AGBL4: variants seen among roughly 807,000 people sequenced by gnomAD.
AGBL4 encodes the protein AGBL carboxypeptidase 4, also known as cytosolic carboxypeptidase 6.
In AGBL4, 58 loss-of-function variants were observed where a neutral mutation model predicts 66.4. The observed-to-expected ratio is 0.87, with a 90% CI of 0.71 to 1.09. The LOEUF (loss-of-function observed/expected upper bound fraction) is 1.09, where lower values mean the gene tolerates loss of function less well. Among genes scored for constraint, AGBL4 ranks in the 50% least tolerant of loss-of-function variants. AGBL4 has a pLI of 0.00. For missense variants in AGBL4, 579 were observed against 631.0 expected (o/e 0.92, Z 0.88); for synonymous variants, 234 against 222.9 (o/e 1.05, Z -0.44).
At chr1:49,645,996 C>T (rs1276959514) in intron 3 of AGBL4, among the ~76,000 whole-genome samples, 11 of 151,516 alleles carry the variant, frequency 7.3e-5, no homozygotes, top group East Asian at 3.9e-4. Context: ...TACAACTCTC[C>T]GTAAACTACT....
At chr1:49,582,867 A>G (rs530753208) in intron 3 of AGBL4, among the ~76,000 whole-genome samples, 4 of 152,132 alleles carry the variant, frequency 2.6e-5, no homozygotes, top group Non-Finnish European at 4.4e-5. Flanking sequence ...TTTCAGTAAC[A>G]TTTTCCAAAA....
intron 4 of AGBL4, among the ~76,000 whole-genome samples, chr1:49,100,117 A>T (rs558459081): frequency 1.3e-5 from 2 of 152,158 alleles, no homozygotes; most frequent in South Asian, 4.1e-4. Context: ...TTTAAGGAAC[A>T]CTCCTGGGTT....
chr1:49,006,188 G>A (rs550942676), intron 5 of AGBL4, among the ~76,000 whole-genome samples: 22 of 152,324 alleles, frequency 1.4e-4, no homozygotes, highest in African/African-American at 4.6e-4. Flanking sequence ...GCGAGCCAAA[G>A]CAGGGTGAGG....
chr1:49,090,726 G>C (rs556655379), intron 4 of AGBL4, among the ~76,000 whole-genome samples: 2 of 152,050 alleles, frequency 1.3e-5, no homozygotes, highest in South Asian at 4.2e-4. Flanking sequence ...TGCAGAATTA[G>C]AAAAAAACTA....
At chr1:49,226,285 A>T (rs1011423036) in intron 4 of AGBL4, among the ~76,000 whole-genome samples, 1 of 152,180 alleles carries the variant, frequency 6.6e-6, no homozygotes, top group Non-Finnish European at 1.5e-5. Context: ...AACTTGAATA[A>T]ATGTTTATGA....
At chr1:49,757,862 T>G (rs1287218357) in intron 2 of AGBL4, among the ~76,000 whole-genome samples, 2 of 152,166 alleles carry the variant, frequency 1.3e-5, no homozygotes, top group African/African-American at 2.4e-5. Context: ...GGGGAAAAAT[T>G]CAAGCAGTCT....
At chr1:49,638,097 A>G (rs973642640) in intron 3 of AGBL4, among the ~76,000 whole-genome samples, 1 of 152,312 alleles carries the variant, frequency 6.6e-6, no homozygotes, top group East Asian at 1.9e-4. Context: ...ATTGAACCAA[A>G]AATCACTTTA....
chr1:49,360,730 G>A (rs749848788), intron 3 of AGBL4, among the ~76,000 whole-genome samples: 1 of 152,050 alleles, frequency 6.6e-6, no homozygotes, highest in Non-Finnish European at 1.5e-5. Context: ...TATGAACATA[G>A]GTATTATTTT....
chr1:48,796,475 TA>T, intron 6 of AGBL4, among the ~76,000 whole-genome samples: 1 of 77,776 alleles, frequency 1.3e-5, no homozygotes, highest in Middle Eastern at 7.5e-3. Flanking sequence ...CTCCCAGTCA[TA>T]AAACAGGCCA....
At chr1:48,529,108 G>A (rs182551621), downstream of AGBL4, among the ~76,000 whole-genome samples, 27 of 152,064 alleles carry the variant, frequency 1.8e-4, 1 homozygote, top group South Asian at 1.5e-3. Flanking sequence ...ACTCTGCTAC[G>A]TAATCTGTGT....
chr1:49,247,349 C>T (rs1651724045), intron 3 of AGBL4, among the ~76,000 whole-genome samples: 1 of 152,058 alleles, frequency 6.6e-6, no homozygotes, highest in South Asian at 2.1e-4. Flanking sequence ...CTTGTGTTTT[C>T]CTTTCTCCTC....
At chr1:48,586,740 T>A (rs535223473) in intron 11 of AGBL4, 3 of 421,622 alleles carry the variant, frequency 7.1e-6, no homozygotes, top group East Asian at 9.1e-5. Flanking sequence ...GGGAGAGAGA[T>A]GGAAGCAGAG....
chr1:48,727,747 C>T (rs1647395547), intron 6 of AGBL4: 2 of 728,086 alleles, frequency 2.7e-6, no homozygotes, highest in Non-Finnish European at 4.3e-6. Flanking sequence ...ACATTCAGAA[C>T]AAGCCGCTGA....
At chr1:48,759,305 C>T in intron 6 of AGBL4, 1 of 1,547,050 alleles carries the variant, frequency 6.5e-7, no homozygotes, top group Non-Finnish European at 8.7e-7. Flanking sequence ...CAACGAGAAT[C>T]AGTTCAGGCA....
At chr1:48,591,948 G>C (rs12060470) in intron 9 of AGBL4, among the ~76,000 whole-genome samples, 13,018 of 152,292 alleles carry the variant, frequency 0.085, 709 homozygotes, top group South Asian at 0.17. Flanking sequence ...AATGATTGAA[G>C]AAACAATCCC....
At chr1:49,474,090 T>C (rs1251918027) in intron 3 of AGBL4, among the ~76,000 whole-genome samples, 1 of 152,096 alleles carries the variant, frequency 6.6e-6, no homozygotes, top group African/African-American at 2.4e-5. Context: ...TCTTTTTGCT[T>C]AGGACTTCCT....
intron 4 of AGBL4, among the ~76,000 whole-genome samples, chr1:49,066,236 ATAG>A (rs1644489668): frequency 6.6e-6 from 1 of 152,170 alleles, no homozygotes; most frequent in African/African-American, 2.4e-5. Flanking sequence ...CTGAGACCTT[ATAG>A]AATATGACAC....
chr1:49,948,560 T>TAAA lies in AGBL4; in HGVS notation c.34+75200_34+75202dup, dbSNP rs1334516996. 5.0e-3 allele frequency among the ~76,000 whole-genome samples: 507 copies of TAAA among 100,818 alleles called. 4 individuals carry two copies. The highest frequency in any genetic ancestry group is 0.022 in the East Asian group (94 of 4,320). 66.1% of individuals were successfully genotyped at this position (100,818 alleles called of 152,430 possible). On this transcript the variant is annotated intron_variant, in intron 1 of 13. Transcript: ENST00000371839. ...AAATATATAAATATATATAAATATATAAAAATATATATATATATATATAGA... is the reference window on the plus strand; with the variant it reads ...AAATATATAAATATATATAAATATATAAAAAAAATATATATATATATATATAGA...
At chr1:50,021,917 C>T (rs1026201348) in intron 1 of AGBL4, among the ~76,000 whole-genome samples, 3 of 152,150 alleles carry the variant, frequency 2.0e-5, no homozygotes, top group African/African-American at 7.2e-5. Context: ...CTGGCTTCAG[C>T]GTACCTCTTC....
Sources: allele counts gnomAD v4.1 joint callset (sites outside exome capture counted in the v4.1 genomes callset), GRCh38; gene constraint gnomAD v4.1.1; transcripts MANE v1.5; gene names NCBI Gene and HGNC (gene_info 2026-07-23, HGNC 2026-07-21).